Variants in PDE11A observed in about 807,000 individuals in gnomAD.
PDE11A encodes dual 3',5'-cyclic-AMP and -GMP phosphodiesterase 11A.
PDE11A carries 100 observed loss-of-function variants against 100.5 expected under a neutral mutation model. The observed-to-expected ratio is 1.00, with a 90% CI of 0.85 to 1.18. The LOEUF is 1.18. Ranked by LOEUF, PDE11A falls within the 50% of genes most tolerant of loss-of-function variation. The pLI, the probability that PDE11A is intolerant of heterozygous loss-of-function variation, is 0.00. For synonymous variants in PDE11A, 381 were observed against 420.8 expected (o/e 0.91, Z 1.16); for missense variants, 1,141 against 1,152.6 (o/e 0.99, Z 0.15).
At chr2:178,076,751 A>G (rs941902029), upstream of PDE11A, among the ~76,000 whole-genome samples, 1 of 152,168 alleles carries the variant, frequency 6.6e-6, no homozygotes, top group African/African-American at 2.4e-5. Context: ...ACTTCTCACA[A>G]TTCTGTAGGT....
intron 1 of PDE11A, 42 bp from the exon 2 acceptor site, chr2:178,014,502 T>C (rs1459656458): frequency 2.6e-6 from 4 of 1,532,694 alleles, no homozygotes; most frequent in African/African-American, 1.4e-5. Flanking sequence ...ATGTGCATTG[T>C]TGTCAGGGAG....
chr2:177,702,500 T>C (rs2081213688), intron 13 of PDE11A: 1 of 152,148 alleles, frequency 6.6e-6, no homozygotes, highest in Non-Finnish European at 1.5e-5. Context: ...GGCTTCGATA[T>C]TGAAAGGGCA....
chr2:177,708,112 T>C (rs1244519983), intron 13 of PDE11A, among the ~76,000 whole-genome samples: 1 of 152,092 alleles, frequency 6.6e-6, no homozygotes, highest in Non-Finnish European at 1.5e-5. Context: ...AATGAAAGCA[T>C]ACACAACGTA....
intron 2 of PDE11A, among the ~76,000 whole-genome samples, chr2:177,973,246 G>A (rs1253610710): frequency 6.7e-5 from 9 of 133,828 alleles, no homozygotes; most frequent in Non-Finnish European, 1.1e-4. Flanking sequence ...TGCGCGAGCC[G>A]AAGCAGGGCG....
chr2:177,960,092 T>G (rs1310709930), intron 2 of PDE11A, among the ~76,000 whole-genome samples: 2 of 150,826 alleles, frequency 1.3e-5, no homozygotes, highest in Non-Finnish European at 3.0e-5. Context: ...CTGTCATTAT[T>G]TTTTTTTTAT....
chr2:177,896,494 T>C (rs972502715), intron 4 of PDE11A, among the ~76,000 whole-genome samples: 5 of 152,062 alleles, frequency 3.3e-5, no homozygotes, highest in Non-Finnish European at 7.4e-5. Flanking sequence ...CCCCAGCCAC[T>C]TGCTCCCACA....
At chr2:178,016,459 TATTA>T (rs2086339449) in intron 1 of PDE11A, among the ~76,000 whole-genome samples, 2 of 152,110 alleles carry the variant, frequency 1.3e-5, no homozygotes, top group African/African-American at 4.8e-5. Flanking sequence ...CAGCAATCTG[TATTA>T]ATTATTTTTA....
At chr2:178,021,406 G>A (rs760610945) in intron 1 of PDE11A, among the ~76,000 whole-genome samples, 12 of 152,062 alleles carry the variant, frequency 7.9e-5, no homozygotes, top group Non-Finnish European at 1.5e-4. Flanking sequence ...GATCAGAATC[G>A]CTGATACAAT....
intron 1 of PDE11A, among the ~76,000 whole-genome samples, chr2:178,025,602 A>G (rs2117740): frequency 0.5 from 76,464 of 151,908 alleles, 20,039 homozygotes; most frequent in East Asian, 0.71. Flanking sequence ...GACCCACACC[A>G]CACTTGAAAC....
At chr2:177,936,120 G>C (rs182016599) in intron 2 of PDE11A, among the ~76,000 whole-genome samples, 1 of 152,228 alleles carries the variant, frequency 6.6e-6, no homozygotes, top group South Asian at 2.1e-4. Context: ...ATTTGAGAGA[G>C]TGAGATGTTG....
In PDE11A at chr2:177,663,878, C is replaced by T. The variant is rs1349248778; in HGVS notation, c.2634G>A (p.Met878Ile). ...CAAATCAAAGTACCTGATACAAAGG[C>T]ATGCAGATGCTATCAATCCACTCCA... ...LQLEWIDSIC[M>I]PLYQALVKVN... The change falls in exon 19 of 20, where the codon ATG becomes ATA. Residue 878 changes from methionine to isoleucine, a missense_variant. Met to Ile is a conservative substitution (Grantham distance 10, BLOSUM62 1). Coordinates refer to ENST00000286063, the MANE Select transcript of PDE11A (RefSeq NM_016953.4). 3.8e-6 allele frequency: 6 copies of T among 1,583,328 alleles called. No homozygotes were observed. Among genetic ancestry groups the T allele is most frequent in the Non-Finnish European group, 3.5e-6 (4 of 1,151,848 alleles).
At chr2:177,784,639 A>G (rs2082505049) in intron 9 of PDE11A, among the ~76,000 whole-genome samples, 1 of 152,188 alleles carries the variant, frequency 6.6e-6, no homozygotes, top group African/African-American at 2.4e-5. Context: ...GCTGGCTTTC[A>G]CTTTACTCTA....
intron 2 of PDE11A, among the ~76,000 whole-genome samples, chr2:177,929,482 G>A (rs2085177654): frequency 6.6e-6 from 1 of 152,108 alleles, no homozygotes; most frequent in Non-Finnish European, 1.5e-5. Flanking sequence ...TATTTTAAGG[G>A]CTGCATCAGT....
chr2:177,671,174 G>A (rs2080673659), intron 17 of PDE11A, among the ~76,000 whole-genome samples: 1 of 152,162 alleles, frequency 6.6e-6, no homozygotes, highest in African/African-American at 2.4e-5. Context: ...CAAGGTGGGA[G>A]TCCTGCATAG....
At chr2:177,889,865 A>G (rs375717931) in intron 4 of PDE11A, among the ~76,000 whole-genome samples, 6 of 150,884 alleles carry the variant, frequency 4.0e-5, no homozygotes, top group African/African-American at 1.5e-4. Context: ...AACTTTAAGC[A>G]TTTTTCTGGT....
intron 5 of PDE11A, among the ~76,000 whole-genome samples, chr2:177,859,066 A>G (rs2083896197): frequency 6.6e-6 from 1 of 151,978 alleles, no homozygotes; most frequent in Non-Finnish European, 1.5e-5. Flanking sequence ...TGGACACAGG[A>G]AGGGGAACAT....
chr2:177,750,368 G>A (rs1487192591), intron 10 of PDE11A, among the ~76,000 whole-genome samples: 1 of 152,160 alleles, frequency 6.6e-6, no homozygotes, highest in East Asian at 1.9e-4. Context: ...CTTGCTCTTT[G>A]GAAATTCCTG....
intron 2 of PDE11A, among the ~76,000 whole-genome samples, chr2:177,960,179 G>T (rs2085614705): frequency 6.6e-6 from 1 of 151,788 alleles, no homozygotes; most frequent in Non-Finnish European, 1.5e-5. Flanking sequence ...GAGTTTCAAA[G>T]TGTCACCAGA....
intron 9 of PDE11A, among the ~76,000 whole-genome samples, chr2:177,779,635 T>C (rs981651270): frequency 6.6e-6 from 1 of 152,230 alleles, no homozygotes; most frequent in African/African-American, 2.4e-5. Flanking sequence ...TCTGTTCAAG[T>C]TTTACCATGA....
Sources: gnomAD v4.1 joint callset for allele counts (sites outside exome capture counted in the v4.1 genomes callset) on GRCh38, gnomAD v4.1.1 for gene constraint, MANE v1.5 for transcripts, NCBI Gene and HGNC (gene_info 2026-07-23, HGNC 2026-07-21) for gene names.